CA6: variants seen among roughly 807,000 people sequenced by gnomAD.
CA6 encodes the protein carbonate dehydratase VI.
CA6 carries 28 observed loss-of-function variants against 35.9 expected under a neutral mutation model. The observed-to-expected ratio is 0.78, with a 90% confidence interval of 0.58 to 1.07. The LOEUF (loss-of-function observed/expected upper bound fraction) is 1.07, where lower values mean the gene tolerates loss of function less well. Among genes scored for constraint, CA6 ranks in the 50% least tolerant of loss-of-function variants. CA6 has a pLI of 0.00. For synonymous variants in CA6, 148 were observed against 152.6 expected, an observed-to-expected ratio of 0.97 and a Z score of 0.22; for missense variants, 377 against 382.0, an observed-to-expected ratio of 0.99 and a Z score of 0.11.
intron 7 of CA6, among the ~76,000 whole-genome samples, chr1:8,973,773 TTTCTTTCTTTC>T (rs201592770): frequency 0.28 from 10,763 of 37,962 alleles, 1,000 homozygotes; most frequent in East Asian, 0.59. Context: ...TCTTTCTTTC[TTTCTTTCTTTC>T]TTTTCCCTCC....
rs766622056 is a variant in CA6 at position 8,970,975 on chromosome 1, A to G, written c.838A>G (p.Asn280Asp). The change falls in exon 7 of 8, where the codon AAT becomes GAT. Residue 280 changes from asparagine (N) to aspartate (D), a missense_variant. Transcript: ENST00000377443. Reference protein sequence around the residue: ...NHRVVESNFPNQEYTLGSEFQ... With the variant: ...NHRVVESNFPDQEYTLGSEFQ... Reference sequence around the variant, plus strand: ...CAGAGTGGTGGAATCCAACTTCCCGAATCAGGGTGAGTGAGACCGACTCTT... The same window carrying G: ...CAGAGTGGTGGAATCCAACTTCCCGGATCAGGGTGAGTGAGACCGACTCTT... 1.2e-6 allele frequency: 2 copies of G among 1,607,320 alleles called. No homozygotes were observed. The highest frequency in any genetic ancestry group is 8.5e-7 in the Non-Finnish European group (1 of 1,173,872).
chr1:8,961,652 C>A (rs1186963021), intron 4 of CA6, among the ~76,000 whole-genome samples: 1 of 152,128 alleles, frequency 6.6e-6, no homozygotes, highest in Non-Finnish European at 1.5e-5. Flanking sequence ...ATCTAGAAAA[C>A]AAATAGCAAA....
At chr1:8,948,148 A>G (rs1639418914) in intron 1 of CA6, among the ~76,000 whole-genome samples, 2 of 152,066 alleles carry the variant, frequency 1.3e-5, no homozygotes, top group Non-Finnish European at 1.5e-5. Context: ...GTGCCCAGCC[A>G]CAAACACCTG....
At chr1:8,969,448 A>T (rs1221850352) in intron 6 of CA6, among the ~76,000 whole-genome samples, 1 of 152,080 alleles carries the variant, frequency 6.6e-6, no homozygotes, top group Non-Finnish European at 1.5e-5. Context: ...TGGAACTATG[A>T]AAAGAAGTGA....
chr1:8,973,888 G>A (rs539245594), intron 7 of CA6, among the ~76,000 whole-genome samples: 18 of 150,414 alleles, frequency 1.2e-4, no homozygotes, highest in Admixed American at 3.3e-4. Flanking sequence ...GTGCAATGGC[G>A]CAATCTTGGC....
At chr1:8,950,974 G>A (rs1639514725) in intron 2 of CA6, among the ~76,000 whole-genome samples, 1 of 152,176 alleles carries the variant, frequency 6.6e-6, no homozygotes, top group African/African-American at 2.4e-5. Context: ...CCAGCACTTT[G>A]GGAGCCCGAG....
At chr1:8,962,255 C>CACAA (rs113192364) in intron 4 of CA6, among the ~76,000 whole-genome samples, 12 of 149,866 alleles carry the variant, frequency 8.0e-5, no homozygotes, top group East Asian at 3.9e-4. Flanking sequence ...AAAAAAAACT[C>CACAA]ACAAACAAAC....
Position 8,958,965 on chromosome 1 carries a change from C to T in CA6, c.464C>T (p.Ala155Val), listed in dbSNP as rs1251511774. Residue 155 changes from alanine to valine, a missense_variant, in exon 4 of 8, where the codon GCG becomes GTG. By Grantham distance (64) the Ala-to-Val change is moderately conservative (BLOSUM62 0). Transcript: ENST00000377443. Reference protein sequence around the residue: ...KYKSYDIAQDAPDGLAVLAAF... With the variant: ...KYKSYDIAQDVPDGLAVLAAF... ...AAGAGCTATGATATAGCCCAAGATG[C>T]GCCGGATGGTTTGGCTGTACTGGCA... 2.5e-6 allele frequency: 4 copies of T among 1,612,836 alleles called. No homozygotes were observed. The highest frequency in any genetic ancestry group is 3.3e-5 in the Admixed American group (2 of 59,980).
At chr1:8,974,600 C>T (rs767617801) in intron 7 of CA6, 22 bp from the exon 8 acceptor site, 30 of 1,555,908 alleles carry the variant, frequency 1.9e-5, no homozygotes, top group East Asian at 1.8e-4. Flanking sequence ...TAACCATTTC[C>T]GACTAACTCT....
chr1:8,946,042 C>CTTTT, intron 1 of CA6, 77 bp downstream of exon 1: 1 of 676,176 alleles, frequency 1.5e-6, no homozygotes, highest in Non-Finnish European at 2.4e-6. Context: ...TCTTCTTCTT[C>CTTTT]TTTTTTTTTT....
chr1:8,949,518 C>A, intron 2 of CA6, 76 bp downstream of exon 2: 1 of 1,282,666 alleles, frequency 7.8e-7, no homozygotes, highest in Non-Finnish European at 1.1e-6. Context: ...GTGTCCCTGC[C>A]AGGAATGGCT....
chr1:8,951,609 G>C (rs1431066828), intron 2 of CA6: 4 of 765,090 alleles, frequency 5.2e-6, no homozygotes, highest in Non-Finnish European at 9.6e-6. Context: ...CCAGAAGAGG[G>C]AAGGCATATG....
intron 2 of CA6, chr1:8,951,621 A>T: frequency 1.3e-6 from 1 of 765,158 alleles, no homozygotes; most frequent in Non-Finnish European, 2.4e-6. Context: ...AGGCATATGG[A>T]AGAGAAGAGC....
At chr1:8,947,296 T>A (rs1639391279) in intron 1 of CA6, among the ~76,000 whole-genome samples, 1 of 151,980 alleles carries the variant, frequency 6.6e-6, no homozygotes, top group Non-Finnish European at 1.5e-5. Flanking sequence ...TTGGGGCCCA[T>A]GAGGAGGCTG....
At chr1:8,962,700 T>C (rs1639872066) in intron 5 of CA6, 44 bp downstream of exon 5, 1 of 1,491,796 alleles carries the variant, frequency 6.7e-7, no homozygotes, top group South Asian at 1.1e-5. Flanking sequence ...GGGGAATGAG[T>C]GTGAGTGTGA....
chr1:8,946,778 G>C (rs895494028), intron 1 of CA6, among the ~76,000 whole-genome samples: 1 of 149,200 alleles, frequency 6.7e-6, no homozygotes, highest in Non-Finnish European at 1.5e-5. Flanking sequence ...TCTGTGGGCT[G>C]CCAAAATGAG....
chr1:8,954,816 C>A (rs1327387671), intron 2 of CA6, among the ~76,000 whole-genome samples: 1 of 152,220 alleles, frequency 6.6e-6, no homozygotes, highest in Non-Finnish European at 1.5e-5. Flanking sequence ...CTCAGGTGAT[C>A]TGCCTGCCTT....
intron 1 of CA6, among the ~76,000 whole-genome samples, chr1:8,947,865 TGA>T (rs1210991902): frequency 4.7e-4 from 71 of 151,638 alleles, no homozygotes; most frequent in African/African-American, 1.6e-3. Context: ...TTTTTTTTTT[TGA>T]GAGTTTCACT....
chr1:8,962,724 C>T, intron 5 of CA6, 68 bp downstream of exon 5: 2 of 1,389,050 alleles, frequency 1.4e-6, no homozygotes, highest in Non-Finnish European at 2.0e-6. Context: ...TGAGGTGGGC[C>T]CAGGGGGCAG....
Sources: gnomAD v4.1 joint callset for allele counts (sites outside exome capture counted in the v4.1 genomes callset) on GRCh38, gnomAD v4.1.1 for gene constraint, MANE v1.5 for transcripts, NCBI Gene and HGNC (gene_info 2026-07-23, HGNC 2026-07-21) for gene names.